Variants in MYO16 observed in about 807,000 individuals in gnomAD.
MYO16 encodes myosin XVI.
In MYO16, 94 loss-of-function variants were observed where a neutral mutation model predicts 205.3. The ratio of observed to expected loss-of-function variants is 0.46; its 90% CI spans 0.39 to 0.54. The LOEUF (loss-of-function observed/expected upper bound fraction) is 0.54. MYO16 is among the 20% of genes least tolerant of loss of function. MYO16 has a pLI of 0.00. For missense variants in MYO16, 2,315 were observed against 2,387.5 expected (o/e 0.97, Z 0.63); for synonymous variants, 988 against 954.0 (o/e 1.04, Z -0.66).
chr13:108,943,380 A>C (rs1237153429), intron 16 of MYO16, among the ~76,000 whole-genome samples: 2 of 152,210 alleles, frequency 1.3e-5, no homozygotes, highest in Non-Finnish European at 2.9e-5. Flanking sequence ...ATCATTATAT[A>C]GATGTAGTAC....
At chr13:108,796,467 G>C (rs987872072) in intron 6 of MYO16, among the ~76,000 whole-genome samples, 1 of 152,040 alleles carries the variant, frequency 6.6e-6, no homozygotes, top group Non-Finnish European at 1.5e-5. Context: ...CACATGCACA[G>C]GTATGTTTAT....
chr13:108,996,137 G>A (rs1008153821), intron 21 of MYO16, among the ~76,000 whole-genome samples: 1 of 152,170 alleles, frequency 6.6e-6, no homozygotes, highest in Admixed American at 6.5e-5. Context: ...GCACATGTAT[G>A]TTTATTGCGG....
intron 16 of MYO16, among the ~76,000 whole-genome samples, chr13:108,946,247 A>G (rs969765580): frequency 6.6e-6 from 1 of 151,904 alleles, no homozygotes; most frequent in African/African-American, 2.4e-5. Context: ...ACTTTTCCTA[A>G]TACGTTCTTT....
intron 1 of MYO16, among the ~76,000 whole-genome samples, chr13:108,631,591 T>C (rs2139356040): frequency 6.6e-6 from 1 of 152,348 alleles, no homozygotes; most frequent in South Asian, 2.1e-4. Context: ...AAGATCTGAC[T>C]GCTTTCTAAG....
chr13:108,496,551 G>A, the MYO16 span, among the ~76,000 whole-genome samples: 2 of 152,192 alleles, frequency 1.3e-5, no homozygotes, highest in African/African-American at 4.8e-5. Context: ...TCACCCGGGG[G>A]GCGTCGAGCC....
At chr13:108,519,529 A>G in the MYO16 span, among the ~76,000 whole-genome samples, 1 of 152,154 alleles carries the variant, frequency 6.6e-6, no homozygotes, top group East Asian at 1.9e-4. Context: ...GTATAAGCCA[A>G]TTGGAAACTT....
At chr13:108,735,987 G>A (rs535685365) in intron 4 of MYO16, among the ~76,000 whole-genome samples, 1 of 58,702 alleles carries the variant, frequency 1.7e-5, no homozygotes. Context: ...TTTTGATGGG[G>A]TTGTTTGTTT....
At chr13:109,109,720 C>T (rs1487875385) in intron 28 of MYO16, among the ~76,000 whole-genome samples, 1 of 150,624 alleles carries the variant, frequency 6.6e-6, no homozygotes, top group African/African-American at 2.4e-5. Context: ...AAAAAACGAA[C>T]TTGCTCCATA....
chr13:108,663,617 T>C (rs1881598229), intron 1 of MYO16, among the ~76,000 whole-genome samples: 1 of 152,200 alleles, frequency 6.6e-6, no homozygotes. Context: ...AGAGCCACCC[T>C]CTACATTCCC....
intron 4 of MYO16, among the ~76,000 whole-genome samples, chr13:108,762,465 G>C (rs1885641506): frequency 6.6e-6 from 1 of 152,060 alleles, no homozygotes; most frequent in Admixed American, 6.6e-5. Context: ...CCGCCAACAA[G>C]GTGTAAAGTT....
intron 4 of MYO16, among the ~76,000 whole-genome samples, chr13:108,753,440 G>A (rs1487962286): frequency 6.9e-6 from 1 of 144,852 alleles, no homozygotes; most frequent in Non-Finnish European, 1.5e-5. Flanking sequence ...TATGTTTTTT[G>A]TATTCGTTAA....
intron 3 of MYO16, among the ~76,000 whole-genome samples, chr13:108,719,776 C>A (rs1279176060): frequency 6.6e-6 from 1 of 152,160 alleles, no homozygotes; most frequent in African/African-American, 2.4e-5. Context: ...CCATAGAATG[C>A]TATGTATACC....
intron 6 of MYO16, among the ~76,000 whole-genome samples, chr13:108,799,373 C>A (rs887279332): frequency 1.3e-5 from 2 of 152,112 alleles, no homozygotes; most frequent in Admixed American, 1.3e-4. Flanking sequence ...GAAATACAGT[C>A]ATCATAATAT....
intron 20 of MYO16, among the ~76,000 whole-genome samples, chr13:108,968,082 C>T (rs542723776): frequency 6.6e-6 from 1 of 152,298 alleles, no homozygotes; most frequent in East Asian, 1.9e-4. Flanking sequence ...GTAACGCAAG[C>T]ACAGTTTCGC....
chr13:109,146,415 T>C (rs1877332556), intron 32 of MYO16, among the ~76,000 whole-genome samples: 1 of 152,232 alleles, frequency 6.6e-6, no homozygotes. Context: ...GAACCTTCTC[T>C]GTGGCCCATC....
chr13:109,158,929 G>A (rs74119872), intron 32 of MYO16, among the ~76,000 whole-genome samples: 281 of 152,240 alleles, frequency 1.8e-3, no homozygotes, highest in African/African-American at 6.6e-3. Flanking sequence ...ACGTAACTAC[G>A]GGTCAACCCA....
chr13:109,004,817 G>GC (rs1885337178), intron 21 of MYO16, among the ~76,000 whole-genome samples: 1 of 152,152 alleles, frequency 6.6e-6, no homozygotes. Flanking sequence ...TCCTCCCTCT[G>GC]CCAGCTATAA....
chr13:108,558,984 A>ATT, the MYO16 span, among the ~76,000 whole-genome samples: 1,830 of 146,542 alleles, frequency 0.012, 30 homozygotes, highest in African/African-American at 0.04. Context: ...TGAGATGTTG[A>ATT]TTTTTTTTTT....
chr13:108,924,162 G>A (rs952653615), intron 16 of MYO16, among the ~76,000 whole-genome samples: 3 of 152,046 alleles, frequency 2.0e-5, no homozygotes, highest in Non-Finnish European at 4.4e-5. Flanking sequence ...AGGATACTTG[G>A]CCCTATCATT....
Sources: gnomAD v4.1 joint callset for allele counts (sites outside exome capture counted in the v4.1 genomes callset) on GRCh38, gnomAD v4.1.1 for gene constraint, MANE v1.5 for transcripts, NCBI Gene and HGNC (gene_info 2026-07-23, HGNC 2026-07-21) for gene names.